The following KAZN variants were observed in gnomAD, a reference collection of about 807,000 sequenced individuals.
KAZN encodes kazrin.
A neutral mutation model predicts 87.4 loss-of-function variants in KAZN; 40 were observed. That is an observed-to-expected ratio of 0.46 (90% CI 0.36 to 0.60). The LOEUF is 0.60. KAZN is among the 20% of genes least tolerant of loss of function. The probability of loss-of-function intolerance (pLI) is 0.00; values close to 1 mark genes in which losing one functional copy is unlikely to be tolerated. For missense variants in KAZN, 898 were observed against 1,073.9 expected, an observed-to-expected ratio of 0.84 and a Z score of 2.29; for synonymous variants, 466 against 458.3, an observed-to-expected ratio of 1.02 and a Z score of -0.22.
At chr1:14,147,475 T>C (rs1252090045) in intron 1 of KAZN, among the ~76,000 whole-genome samples, 1 of 152,172 alleles carries the variant, frequency 6.6e-6, no homozygotes, top group East Asian at 1.9e-4. Context: ...AGAAGCTACC[T>C]CTTAGATTTA....
intron 1 of KAZN, among the ~76,000 whole-genome samples, chr1:14,762,943 T>G (rs577525324): frequency 1.6e-4 from 24 of 152,210 alleles, no homozygotes; most frequent in Non-Finnish European, 3.4e-4. Context: ...AACAAGTCTT[T>G]TGTGAACTTT....
intron 1 of KAZN, among the ~76,000 whole-genome samples, chr1:14,701,124 A>AT (rs1421169930): frequency 3.9e-5 from 6 of 151,920 alleles, no homozygotes; most frequent in African/African-American, 9.7e-5. Flanking sequence ...CATTAGTATA[A>AT]TTTTTTTTCT....
intron 2 of KAZN, among the ~76,000 whole-genome samples, chr1:14,380,433 T>G (rs187617054): frequency 1.3e-5 from 2 of 152,278 alleles, no homozygotes; most frequent in Non-Finnish European, 1.5e-5. Flanking sequence ...AATTCAAAAG[T>G]GCTGTGTTGA....
chr1:15,028,322 G>A (rs1307876549), intron 2 of KAZN, among the ~76,000 whole-genome samples: 1 of 152,358 alleles, frequency 6.6e-6, no homozygotes, highest in Middle Eastern at 3.4e-3. Flanking sequence ...CTTGGCTGCT[G>A]GAATAGGACC....
At chr1:14,164,278 G>A (rs938760222) in intron 1 of KAZN, among the ~76,000 whole-genome samples, 3 of 152,108 alleles carry the variant, frequency 2.0e-5, no homozygotes, top group Non-Finnish European at 2.9e-5. Context: ...ATCCATCTGA[G>A]GGCTAGTCTG....
At chr1:13,906,427 T>C (rs1235382165) in intron 1 of KAZN, among the ~76,000 whole-genome samples, 1 of 152,088 alleles carries the variant, frequency 6.6e-6, no homozygotes. Context: ...TGTTGAGGCG[T>C]AGGTGCTTAT....
At chr1:15,058,459 A>C (rs965522035) in intron 5 of KAZN, among the ~76,000 whole-genome samples, 25 of 152,388 alleles carry the variant, frequency 1.6e-4, no homozygotes, top group East Asian at 1.9e-4. Context: ...TGCACATGGT[A>C]GGTGCTTAGC....
chr1:14,069,333 AT>A (rs1472436397), intron 1 of KAZN, among the ~76,000 whole-genome samples: 1 of 152,192 alleles, frequency 6.6e-6, no homozygotes, highest in African/African-American at 2.4e-5. Context: ...AAAAGTGCTC[AT>A]TCTGGAATGA....
chr1:14,008,705 G>A (rs960996901), intron 1 of KAZN, among the ~76,000 whole-genome samples: 1 of 152,138 alleles, frequency 6.6e-6, no homozygotes, highest in African/African-American at 2.4e-5. Context: ...AAATGTTGAT[G>A]AGGATGGTGG....
rs962167724 is a variant in KAZN at position 14,677,703 on chromosome 1, T to C, written c.226+78480T>C. ...CCAGGCCTTGGGAATTATTTATTGA[T>C]GGGATTCCCTTGAGCCTGCTCCCAT... On this transcript the variant is annotated intron_variant, in intron 1 of 14. Transcript: ENST00000376030. Among the ~76,000 whole-genome samples the C allele has an allele frequency of 3.9e-5, 6 of 152,164 alleles. No homozygotes were observed. In the South Asian group the frequency reaches 8.3e-4, roughly 21 times the overall value.
At chr1:14,054,001 G>C (rs1642446152) in intron 1 of KAZN, among the ~76,000 whole-genome samples, 1 of 152,148 alleles carries the variant, frequency 6.6e-6, no homozygotes, top group South Asian at 2.1e-4. Flanking sequence ...TCATCATAAA[G>C]GTCTTTATCC....
chr1:14,427,342 G>T (rs1448598792), intron 2 of KAZN, among the ~76,000 whole-genome samples: 1 of 152,134 alleles, frequency 6.6e-6, no homozygotes, highest in Non-Finnish European at 1.5e-5. Flanking sequence ...AATAGTCCTT[G>T]CCTTCTTATG....
intron 2 of KAZN, among the ~76,000 whole-genome samples, chr1:14,214,764 A>T (rs1646924500): frequency 6.6e-6 from 1 of 152,220 alleles, no homozygotes; most frequent in South Asian, 2.1e-4. Flanking sequence ...GTGGTACAAG[A>T]TGATTTGGAT....
chr1:14,340,155 T>C (rs545104492), intron 2 of KAZN, among the ~76,000 whole-genome samples: 3 of 152,232 alleles, frequency 2.0e-5, no homozygotes, highest in Non-Finnish European at 4.4e-5. Flanking sequence ...GCATCCGCAC[T>C]GTGTGAGGGT....
chr1:14,397,552 T>A (rs1340353762), intron 2 of KAZN, among the ~76,000 whole-genome samples: 2 of 152,182 alleles, frequency 1.3e-5, no homozygotes, highest in Non-Finnish European at 2.9e-5. Flanking sequence ...CAACTCACTC[T>A]GACCAATAGA....
At chr1:14,605,182 T>C (rs1677264285) in intron 1 of KAZN, among the ~76,000 whole-genome samples, 1 of 152,234 alleles carries the variant, frequency 6.6e-6, no homozygotes. Flanking sequence ...GCCTGTAGTT[T>C]CTTTCTCTTT....
chr1:14,018,513 A>G (rs770158543), intron 1 of KAZN, among the ~76,000 whole-genome samples: 3 of 152,084 alleles, frequency 2.0e-5, no homozygotes, highest in Non-Finnish European at 4.4e-5. Flanking sequence ...TGTCAACATG[A>G]CTGGATTGAG....
intron 1 of KAZN, among the ~76,000 whole-genome samples, chr1:14,613,752 G>A (rs1208445775): frequency 2.0e-5 from 3 of 152,248 alleles, no homozygotes. Context: ...TGGCCACCCA[G>A]AGTCTCTGCG....
chr1:14,619,252 C>T lies in KAZN; in HGVS notation c.226+20029C>T, dbSNP rs145383346. Among the ~76,000 whole-genome samples the T allele has an allele frequency of 5.0e-3, 763 of 151,926 alleles. 13 individuals carry two copies. Among genetic ancestry groups the T allele is most frequent in the African/African-American group, 0.018 (730 of 41,412 alleles). ...TTACTCTCTTGCCTGGGCTCAAGTG[C>T]AGTGATGCAATCATAGCTCACTGCA... On this transcript the variant is annotated intron_variant, in intron 1 of 14. Coordinates refer to ENST00000376030, the MANE Select transcript of KAZN (RefSeq NM_201628.3).
Sources: allele counts gnomAD v4.1 joint callset (sites outside exome capture counted in the v4.1 genomes callset), GRCh38; gene constraint gnomAD v4.1.1; transcripts MANE v1.5; gene names NCBI Gene and HGNC (gene_info 2026-07-23, HGNC 2026-07-21).